The following ADCK5 variants were observed in gnomAD, a reference collection of about 807,000 sequenced individuals.
ADCK5 encodes uncharacterized aarF domain-containing protein kinase 5.
ADCK5 carries 43 observed loss-of-function variants against 64.9 expected under a neutral mutation model. The ratio of observed to expected loss-of-function variants is 0.66; its 90% CI spans 0.52 to 0.85. The LOEUF is 0.85. Ranked by LOEUF, ADCK5 falls within the 40% of genes least tolerant of loss-of-function variation. The pLI, the probability that ADCK5 is intolerant of heterozygous loss-of-function variation, is 0.00. For missense variants in ADCK5, 760 were observed against 810.5 expected, an observed-to-expected ratio of 0.94 and a Z score of 0.76; for synonymous variants, 434 against 342.8, an observed-to-expected ratio of 1.27 and a Z score of -2.94.
intron 1 of ADCK5, among the ~76,000 whole-genome samples, chr8:144,374,495 C>T (rs1254517870): frequency 1.3e-5 from 2 of 152,166 alleles, no homozygotes; most frequent in African/African-American, 2.4e-5. Context: ...CGCCCGCAGC[C>T]CTGACGCCGC....
rs782548791 is a variant in ADCK5, at chr8:144,379,506, C to T, written c.116+16C>T. 7.7e-6 allele frequency: 12 copies of T among 1,563,404 alleles called. No individual in the cohort carries two copies. The highest frequency in any genetic ancestry group is 1.0e-5 in the Non-Finnish European group (12 of 1,145,254). On this transcript the variant is annotated intron_variant, in intron 2 of 14. Coordinates refer to ENST00000308860, the MANE Select transcript of ADCK5 (RefSeq NM_174922.5). ...TTCCTCCAAGGTAACGAGTCCTCCACGGGCATGCGCCTCTCACCCAGGCAG... is the reference window on the plus strand; with the variant it reads ...TTCCTCCAAGGTAACGAGTCCTCCATGGGCATGCGCCTCTCACCCAGGCAG...
rs781981788 is a variant in ADCK5 at position 144,379,391 on chromosome 8, A to G, written c.17A>G (p.Gln6Arg). MWRPV[Q>R]LCHFHSALLH... ...CACAATTTCCTCTCTTTGCAGGTGCAGCTCTGTCATTTCCACTCTGCTCTG... is the reference window on the plus strand; with the variant it reads ...CACAATTTCCTCTCTTTGCAGGTGCGGCTCTGTCATTTCCACTCTGCTCTG... The change falls in exon 2 of 15, where the codon CAG becomes CGG. Residue 6 changes from glutamine (Q) to arginine (R), a missense_variant. Gln to Arg is a conservative substitution (Grantham distance 43). This residue lies in a region of ADCK5 where 427 missense variants were observed against 518.4 expected (regional missense o/e 0.82). Coordinates refer to ENST00000308860, the MANE Select transcript of ADCK5 (RefSeq NM_174922.5). 1.9e-6 allele frequency: 3 copies of G among 1,604,178 alleles called. No individual in the cohort carries two copies. The South Asian group carries it at 3.3e-5, about 18-fold the overall frequency.
chr8:144,383,066 A>G lies in ADCK5; in HGVS notation c.117-15A>G. 17 of 1,583,844 alleles carry G rather than the reference A, an allele frequency of 1.1e-5. No individual in the cohort carries two copies. The highest frequency in any genetic ancestry group is 3.4e-4 in the Middle Eastern group (2 of 5,940). Reference sequence around the variant, plus strand: ...GTGGGGGGCGGCGCCTCCAGGCTGCATTGTCTCTCCTCAGGTTCTCCAGCC... The same window carrying G: ...GTGGGGGGCGGCGCCTCCAGGCTGCGTTGTCTCTCCTCAGGTTCTCCAGCC... On this transcript the variant is annotated splice_polypyrimidine_tract_variant and intron_variant, in intron 2 of 14. Transcript: ENST00000308860.
intron 2 of ADCK5, among the ~76,000 whole-genome samples, chr8:144,381,208 G>A (rs2116846954): frequency 5.0e-4 from 70 of 140,138 alleles, no homozygotes; most frequent in Admixed American, 5.7e-4. Flanking sequence ...ATTATGGGCC[G>A]GGTGTAGAAA....
In ADCK5 at chr8:144,392,090, A is replaced by T. The variant is rs1554860941; in HGVS notation, c.1097-2A>T. 1 of 1,611,736 alleles carries T rather than the reference A, an allele frequency of 6.2e-7. No individual in the cohort carries two copies. On this transcript the variant is annotated splice_acceptor_variant, in intron 10 of 14. Transcript: ENST00000308860. LOFTEE classifies it high-confidence loss of function. The stretch of plus-strand genomic sequence containing the variant: ...GCGCGACCTAAGAGGCTGTATCCCT[A>T]GTTCTGGTGCGGAAAGGCCCGGACG...
intron 1 of ADCK5, among the ~76,000 whole-genome samples, chr8:144,378,223 C>A (rs1162944537): frequency 2.0e-5 from 3 of 152,300 alleles, no homozygotes; most frequent in Non-Finnish European, 4.4e-5. Context: ...CTGGCATGAT[C>A]CCAGCGGTGC....
intron 1 of ADCK5, among the ~76,000 whole-genome samples, chr8:144,377,804 C>T (rs1386551032): frequency 1.3e-5 from 2 of 152,216 alleles, no homozygotes; most frequent in South Asian, 2.1e-4. Context: ...TCCTCCCATC[C>T]GGGCGTCCAC....
intron 1 of ADCK5, among the ~76,000 whole-genome samples, chr8:144,375,932 G>A (rs782142876): frequency 1.2e-4 from 18 of 152,218 alleles, no homozygotes; most frequent in African/African-American, 2.2e-4. Flanking sequence ...TTTAGAGGTC[G>A]TGTTCTGGGT....
At position 144,383,125 on chromosome 8, in the gene ADCK5, C is replaced by T. The variant is rs781787530; in HGVS notation, c.161C>T (p.Ala54Val). 35 of 1,587,466 alleles carry T rather than the reference C, an allele frequency of 2.2e-5. No homozygotes were observed. The highest frequency in any genetic ancestry group is 3.6e-5 in the Admixed American group (2 of 55,620). Residue 54 changes from alanine (A) to valine (V), a missense_variant, in exon 3 of 15, where the codon GCG (alanine) becomes GTG (valine). Physicochemically the swap from Ala to Val is moderately conservative, Grantham distance 64 (BLOSUM62 0). Around this residue, in one of 2 missense-constraint regions of ADCK5, gnomAD observed 427 missense variants for 518.4 expected, o/e 0.82. Transcript: ENST00000308860. ...TPLWRKVLST[A>V]VVGAPLLLGA... ...CTGTGGAGGAAGGTGCTCTCCACCG[C>T]GGTAGTGGGGGCGCCCCTGCTCCTC...
chr8:144,375,412 G>A (rs1819322614), intron 1 of ADCK5: 1 of 952,418 alleles, frequency 1.0e-6, no homozygotes, highest in Non-Finnish European at 1.2e-6. Flanking sequence ...TCATGTTGAG[G>A]TGCACAGTGC....
chr8:144,388,500 C>T (rs1273715928), intron 3 of ADCK5, among the ~76,000 whole-genome samples: 5 of 151,278 alleles, frequency 3.3e-5, no homozygotes, highest in Middle Eastern at 3.2e-3. Context: ...CACGGTGGCT[C>T]ACGCCTGTAA....
chr8:144,374,203 C>T (rs1819271681), intron 1 of ADCK5, 96 bp downstream of exon 1: 2 of 1,155,122 alleles, frequency 1.7e-6, no homozygotes, highest in Admixed American at 4.2e-5. Context: ...TAGAGACCCT[C>T]GGGGCTTTTT....
rs997473646 is a variant in ADCK5, at chr8:144,382,991, G to A, written c.117-90G>A. 11 of 1,509,884 alleles carry A rather than the reference G, an allele frequency of 7.3e-6. No individual in the cohort carries two copies. In the African/African-American group the frequency reaches 8.3e-5, roughly 11 times the overall value. 93.5% of individuals were successfully genotyped at this position (1,509,884 alleles called of 1,614,324 possible). On this transcript the variant is annotated intron_variant, in intron 2 of 14. Transcript: ENST00000308860. Reference sequence around the variant, plus strand: ...TCAGAATGGCTGTGCACACAGGAGTGAGACGTGGTGCTGGGGGAGGTGGGG... The same window carrying A: ...TCAGAATGGCTGTGCACACAGGAGTAAGACGTGGTGCTGGGGGAGGTGGGG...
chr8:144,375,228 A>T (rs1253420613), intron 1 of ADCK5, among the ~76,000 whole-genome samples: 1 of 152,166 alleles, frequency 6.6e-6, no homozygotes, highest in Non-Finnish European at 1.5e-5. Context: ...GGAGCTGCTC[A>T]TGGCCAGTGA....
At position 144,391,213 on chromosome 8, in the gene ADCK5, C is replaced by G; in HGVS notation, c.623C>G (p.Ala208Gly). The change falls in exon 6 of 15, where the codon GCC becomes GGC. Residue 208 changes from alanine (A) to glycine (G), a missense_variant. Coordinates refer to ENST00000308860, the MANE Select transcript of ADCK5 (RefSeq NM_174922.5). Reference sequence around the variant, plus strand: ...GAGTTTGACTACCAGCCAATTGCTGCCGCCAGCCTGGCACAGGTGCACAGA... The same window carrying G: ...GAGTTTGACTACCAGCCAATTGCTGGCGCCAGCCTGGCACAGGTGCACAGA... ...FQEFDYQPIA[A>G]ASLAQVHRAK... 6.2e-7 allele frequency: 1 copy of G among 1,612,622 alleles called. No individual in the cohort carries two copies. The highest frequency in any genetic ancestry group is 8.5e-7 in the Non-Finnish European group (1 of 1,180,026).
intron 1 of ADCK5, 101 bp downstream of exon 1, chr8:144,374,208 C>A: frequency 9.0e-7 from 1 of 1,108,878 alleles, no homozygotes; most frequent in South Asian, 4.6e-5. Flanking sequence ...ACCCTCGGGG[C>A]TTTTTCCCTC....
chr8:144,389,324 C>A (rs782413850), intron 3 of ADCK5: 8 of 456,432 alleles, frequency 1.8e-5, no homozygotes, highest in Middle Eastern at 3.2e-4. Flanking sequence ...TCCTAGTGGA[C>A]CTCAGGCTGC....
At chr8:144,375,804 C>G (rs1336544345) in intron 1 of ADCK5, among the ~76,000 whole-genome samples, 1 of 152,218 alleles carries the variant, frequency 6.6e-6, no homozygotes, top group African/African-American at 2.4e-5. Flanking sequence ...CTTGTCCAAA[C>G]TGGAAGGCTT....
In ADCK5 at chr8:144,385,505, G is replaced by A. The variant is rs1354248666; in HGVS notation, c.266+2275G>A. ...GGCCCTAAACTTAAATCACCACCAG[G>A]CGCGGTGGCTCACGCCTGTAATCCC... On this transcript the variant is annotated intron_variant, in intron 3 of 14. Transcript: ENST00000308860. Among the ~76,000 whole-genome samples, 5 of 151,066 alleles carry A rather than the reference G, an allele frequency of 3.3e-5. No individual in the cohort carries two copies. The East Asian group carries it at 1.0e-3, about 31-fold the overall frequency.
Sources: gnomAD v4.1 joint callset for allele counts (sites outside exome capture counted in the v4.1 genomes callset) on GRCh38, gnomAD v4.1.1 for gene constraint, gnomAD v4.1.1 regional missense constraint, MANE v1.5 for transcripts, NCBI Gene and HGNC (gene_info 2026-07-23, HGNC 2026-07-21) for gene names.